The following ITGAV variants were observed in gnomAD, a reference collection of about 807,000 sequenced individuals.
The protein encoded by ITGAV is integrin subunit alpha V, also known as integrin alpha-V.
Under a neutral mutation model 143.8 loss-of-function variants are expected in ITGAV, and 76 were observed. The ratio of observed to expected loss-of-function variants is 0.53; its 90% CI spans 0.44 to 0.64. ITGAV has a LOEUF of 0.64. Among genes scored for constraint, ITGAV ranks in the 30% least tolerant of loss-of-function variants. The pLI, the probability that ITGAV is intolerant of heterozygous loss-of-function variation, is 0.00. For missense variants in ITGAV, 1,193 were observed against 1,274.7 expected, an observed-to-expected ratio of 0.94 and a Z score of 0.98; for synonymous variants, 453 against 446.7, an observed-to-expected ratio of 1.01 and a Z score of -0.18.
At position 186,656,318 on chromosome 2, in the gene ITGAV, A is replaced by C; in HGVS notation, c.1636A>C (p.Ser546Arg). Residue 546 changes from serine (S) to arginine (R), a missense_variant, in exon 17 of 30, where the codon AGC becomes CGC. Physicochemically the swap from Ser to Arg is moderately radical, Grantham distance 110. Transcript: ENST00000261023. ...GAIRRALFLY[S>R]RSPSHSKNMT... ...AATTCGACGAGCACTGTTTCTCTAC[A>C]GCAGGTCCCCAAGTCACTCCAAGAA... 1 of 1,586,520 alleles carries C rather than the reference A, an allele frequency of 6.3e-7. No individual in the cohort carries two copies. Among genetic ancestry groups the C allele is most frequent in the Non-Finnish European group, 8.5e-7 (1 of 1,169,950 alleles).
intron 18 of ITGAV, among the ~76,000 whole-genome samples, chr2:186,662,348 G>A (rs560517733): frequency 1.2e-4 from 18 of 152,144 alleles, no homozygotes; most frequent in South Asian, 6.2e-4. Flanking sequence ...ATTAATTCAC[G>A]TATATTTTTG....
intron 4 of ITGAV, among the ~76,000 whole-genome samples, chr2:186,630,153 G>A (rs1028265129): frequency 1.3e-5 from 2 of 151,902 alleles, no homozygotes; most frequent in African/African-American, 4.8e-5. Flanking sequence ...CTGAAATTCT[G>A]AGCTATGTTA....
At chr2:186,599,334 C>T (rs1344429231) in intron 1 of ITGAV, among the ~76,000 whole-genome samples, 1 of 152,174 alleles carries the variant, frequency 6.6e-6, no homozygotes, top group Non-Finnish European at 1.5e-5. Context: ...CATTGCCCCT[C>T]CTCTTTCGAC....
At chr2:186,606,566 C>T (rs1687071175) in intron 2 of ITGAV, among the ~76,000 whole-genome samples, 3 of 152,114 alleles carry the variant, frequency 2.0e-5, no homozygotes, top group East Asian at 3.9e-4. Context: ...CCTCCCTATT[C>T]CTTCATTTGC....
chr2:186,669,815 G>A lies in ITGAV; in HGVS notation c.2706+1G>A. On this transcript the variant is annotated splice_donor_variant, in intron 26 of 29. Coordinates refer to ENST00000261023, the MANE Select transcript of ITGAV (RefSeq NM_002210.5). LOFTEE classifies it high-confidence loss of function. ...CAGTGAAGGAGATATTCACACTTTG[G>A]TAAGTGCCATTTCAAATATGTGCAC... 1 of 1,593,416 alleles carries A rather than the reference G, an allele frequency of 6.3e-7. No homozygotes were observed. Among genetic ancestry groups the A allele is most frequent in the Non-Finnish European group, 8.6e-7 (1 of 1,161,448 alleles).
intron 15 of ITGAV, among the ~76,000 whole-genome samples, chr2:186,653,022 T>G (rs1688482363): frequency 6.9e-6 from 1 of 144,822 alleles, no homozygotes; most frequent in Non-Finnish European, 1.5e-5. Flanking sequence ...CTCGGCTCAC[T>G]GCAAGCTCCG....
intron 15 of ITGAV, among the ~76,000 whole-genome samples, chr2:186,653,500 A>G (rs1361991530): frequency 6.6e-6 from 1 of 152,174 alleles, no homozygotes; most frequent in African/African-American, 2.4e-5. Flanking sequence ...AATTAAAGAT[A>G]TTGTTCCTGA....
chr2:186,653,988 T>C (rs61762251), intron 15 of ITGAV, among the ~76,000 whole-genome samples: 1,721 of 152,300 alleles, frequency 0.011, 14 homozygotes, highest in Non-Finnish European at 0.019. Context: ...TAAAGGAGGT[T>C]GCTAATTAAA....
At chr2:186,614,251 A>G (rs938203304) in intron 2 of ITGAV, among the ~76,000 whole-genome samples, 4 of 152,130 alleles carry the variant, frequency 2.6e-5, no homozygotes, top group Middle Eastern at 3.4e-3. Flanking sequence ...ACCAAGGGCC[A>G]TAGGATATAC....
At chr2:186,628,824 T>G (rs984998409) in intron 4 of ITGAV, among the ~76,000 whole-genome samples, 6 of 152,108 alleles carry the variant, frequency 3.9e-5, no homozygotes, top group Non-Finnish European at 7.4e-5. Flanking sequence ...TTGTCATTAC[T>G]CAGGGAATGA....
intron 13 of ITGAV, among the ~76,000 whole-genome samples, chr2:186,647,595 G>A (rs1333229927): frequency 2.0e-5 from 3 of 151,974 alleles, no homozygotes; most frequent in Non-Finnish European, 2.9e-5. Context: ...TAATACATGA[G>A]TTAATATAAG....
At chr2:186,616,735 G>C (rs1351508017) in intron 2 of ITGAV, among the ~76,000 whole-genome samples, 1 of 151,942 alleles carries the variant, frequency 6.6e-6, no homozygotes, top group Non-Finnish European at 1.5e-5. Context: ...TCCTTGAAAA[G>C]CAAGGACTTA....
intron 12 of ITGAV, among the ~76,000 whole-genome samples, chr2:186,645,175 T>C (rs1688220061): frequency 6.6e-6 from 1 of 152,034 alleles, no homozygotes; most frequent in Non-Finnish European, 1.5e-5. Context: ...GGTAATATAA[T>C]AGAGTTTCGG....
At position 186,603,536 on chromosome 2, in the gene ITGAV, T is replaced by TCC. The variant is rs371202606; in HGVS notation, c.316+1386_316+1387dup. Among the ~76,000 whole-genome samples the TCC allele has an allele frequency of 1.3e-3, 194 of 152,248 alleles. 1 individual carries two copies. Among genetic ancestry groups the TCC allele is most frequent in the African/African-American group, 4.5e-3 (186 of 41,528 alleles). The stretch of plus-strand genomic sequence containing the variant: ...CATATATGGCTAATACTTGGAAAAC[T>TCC]CCAAGAGTTTGTAAAAAGGCCCAAT... On this transcript the variant is annotated intron_variant, in intron 2 of 29. Transcript: ENST00000261023.
At position 186,669,703 on chromosome 2, in the gene ITGAV, C is replaced by T. The variant is rs1689010667; in HGVS notation, c.2595C>T (p.Ile865=). The change falls in exon 26 of 30, where the codon ATC becomes ATT. Residue 865 remains isoleucine, a splice_region_variant and synonymous_variant. Transcript: ENST00000261023. ...TTTTATTAATGTGATTGCATTAGAT[C>T]TCATCTTTGCAAACAACTGAAAAGA... ...DMEINPLRIK[I]SSLQTTEKND... 1.2e-6 allele frequency: 2 copies of T among 1,608,290 alleles called. No individual in the cohort carries two copies. The highest frequency in any genetic ancestry group is 1.3e-5 in the African/African-American group (1 of 74,860).
In ITGAV at chr2:186,590,288, G is replaced by A. The variant is rs201679057; in HGVS notation, c.-51G>A. ...CGGGCACTGGGCGCCTCGCTGGGGCGGGGGGAGGTGGCTACCGCTCCCGGC... is the reference window on the plus strand; with the variant it reads ...CGGGCACTGGGCGCCTCGCTGGGGCAGGGGGAGGTGGCTACCGCTCCCGGC... On this transcript the variant is annotated 5_prime_UTR_variant, in exon 1 of 30. Transcript: ENST00000261023. The A allele has an allele frequency of 3.7e-4, 518 of 1,415,988 alleles. 3 individuals are homozygous for A. The African/African-American group carries it at 6.9e-3, about 19-fold the overall frequency. 87.7% of individuals were successfully genotyped at this position (1,415,988 alleles called of 1,614,324 possible).
chr2:186,646,587 C>A, intron 12 of ITGAV, 99 bp from the exon 13 acceptor site: 2 of 761,886 alleles, frequency 2.6e-6, no homozygotes, highest in Middle Eastern at 3.0e-4. Context: ...CATCCTTGCC[C>A]TCTTCCCCCC....
At chr2:186,637,979 A>T (rs1345899465) in intron 8 of ITGAV, among the ~76,000 whole-genome samples, 1 of 152,204 alleles carries the variant, frequency 6.6e-6, no homozygotes, top group African/African-American at 2.4e-5. Flanking sequence ...AACTAAATGT[A>T]GTTTTTCTTC....
intron 8 of ITGAV, among the ~76,000 whole-genome samples, 177 bp downstream of exon 8, chr2:186,637,286 A>G (rs1210076260): frequency 1.3e-5 from 2 of 152,014 alleles, no homozygotes; most frequent in Middle Eastern, 3.2e-3. Context: ...GTTCAAGAAC[A>G]GTCTGGACAA....
Sources: allele counts gnomAD v4.1 joint callset (sites outside exome capture counted in the v4.1 genomes callset), GRCh38; gene constraint gnomAD v4.1.1; transcripts MANE v1.5; gene names NCBI Gene and HGNC (gene_info 2026-07-23, HGNC 2026-07-21).